The following PRELID2 variants were observed in gnomAD, a reference collection of about 807,000 sequenced individuals.
The protein encoded by PRELID2 is PRELI domain-containing protein 2.
PRELID2 carries 25 observed loss-of-function variants against 28.4 expected under a neutral mutation model. The observed-to-expected ratio is 0.88, with a 90% CI of 0.64 to 1.23. PRELID2 has a LOEUF of 1.23. Among genes scored for constraint, PRELID2 ranks in the 50% most tolerant of loss-of-function variants. The pLI, the probability that PRELID2 is intolerant of heterozygous loss-of-function variation, is 0.00. For missense variants in PRELID2, 201 were observed against 214.4 expected (o/e 0.94, Z 0.39); for synonymous variants, 76 against 71.6 (o/e 1.06, Z -0.31).
intron 1 of PRELID2, among the ~76,000 whole-genome samples, chr5:145,607,863 T>C (rs978711055): frequency 1.3e-5 from 2 of 152,194 alleles, no homozygotes; most frequent in African/African-American, 4.8e-5. Flanking sequence ...CCCATTATTA[T>C]TGTATGCCTA....
chr5:145,486,019 A>G (rs1752214253), intron 1 of PRELID2, among the ~76,000 whole-genome samples: 1 of 152,226 alleles, frequency 6.6e-6, no homozygotes, highest in African/African-American at 2.4e-5. Flanking sequence ...TAACACAGAT[A>G]TAAAGTTTAA....
At chr5:145,463,731 G>T in the PRELID2 span, among the ~76,000 whole-genome samples, 4 of 152,080 alleles carry the variant, frequency 2.6e-5, no homozygotes, top group Admixed American at 6.6e-5. Context: ...CAGCATTAAG[G>T]CTCTACATCT....
chr5:145,647,443 C>A (rs1235019458), intron 1 of PRELID2, among the ~76,000 whole-genome samples: 1 of 152,202 alleles, frequency 6.6e-6, no homozygotes, highest in Non-Finnish European at 1.5e-5. Context: ...GCCAGTGGAT[C>A]TTAGTTTGCT....
intron 1 of PRELID2, among the ~76,000 whole-genome samples, chr5:145,829,179 G>C (rs1755423516): frequency 6.6e-6 from 1 of 151,990 alleles, no homozygotes; most frequent in African/African-American, 2.4e-5. Flanking sequence ...TGGATTATAG[G>C]CATGAGCCAC....
At chr5:145,395,585 A>C in the PRELID2 span, among the ~76,000 whole-genome samples, 2 of 152,202 alleles carry the variant, frequency 1.3e-5, no homozygotes, top group Non-Finnish European at 2.9e-5. Context: ...TTGCTTTCTA[A>C]CAACCTTGTT....
chr5:145,345,826 C>T, the PRELID2 span, among the ~76,000 whole-genome samples: 1 of 152,000 alleles, frequency 6.6e-6, no homozygotes, highest in Non-Finnish European at 1.5e-5. Context: ...CCCCGCACCC[C>T]CGCCCCACCC....
chr5:145,566,823 G>C (rs1382502284), intron 1 of PRELID2, among the ~76,000 whole-genome samples: 1 of 137,346 alleles, frequency 7.3e-6, no homozygotes, highest in Non-Finnish European at 1.5e-5. Context: ...CTGGGTGAGA[G>C]AGTGAGACTC....
the PRELID2 span, among the ~76,000 whole-genome samples, chr5:145,272,468 C>G: frequency 6.6e-6 from 1 of 152,092 alleles, no homozygotes; most frequent in Non-Finnish European, 1.5e-5. Flanking sequence ...GTGATGCCCG[C>G]ACACAGAGTT....
At position 145,553,350 on chromosome 5, in the gene PRELID2, C is replaced by CGGT. The variant is rs555265167; in HGVS notation, n.71-80038_71-80036dup. ...TGAACAAAGGCACAGTCACCTGAGG[C>CGGT]GGTTCAGTGTGACTTCTGTAAAGGC... On this transcript the variant is annotated intron_variant and non_coding_transcript_variant, in intron 1 of 2. Transcript: ENST00000510259. 6.2e-3 allele frequency among the ~76,000 whole-genome samples: 944 copies of CGGT among 152,178 alleles called. 11 individuals carry two copies. The highest frequency in any genetic ancestry group is 0.022 in the African/African-American group (911 of 41,528).
chr5:145,621,742 C>T (rs893428192), intron 1 of PRELID2, among the ~76,000 whole-genome samples: 5 of 152,094 alleles, frequency 3.3e-5, no homozygotes, highest in African/African-American at 1.2e-4. Flanking sequence ...AGAATTATAG[C>T]TAGATTGGAG....
intron 5 of PRELID2, among the ~76,000 whole-genome samples, chr5:145,772,523 C>T (rs535167812): frequency 6.6e-6 from 1 of 152,270 alleles, no homozygotes; most frequent in Admixed American, 6.5e-5. Context: ...GGCCTTCTTG[C>T]TGTGTTATAA....
the PRELID2 span, among the ~76,000 whole-genome samples, chr5:145,289,802 A>G: frequency 2.1e-4 from 32 of 152,190 alleles, no homozygotes; most frequent in Admixed American, 1.2e-3. Flanking sequence ...CCATTCTACT[A>G]CATGTATAGT....
intron 1 of PRELID2, among the ~76,000 whole-genome samples, chr5:145,742,531 CAAA>C (rs70998035): frequency 8.4e-5 from 9 of 107,608 alleles, no homozygotes; most frequent in Admixed American, 2.1e-4. Context: ...CAAGGGATAC[CAAA>C]AAAAAAAAAA....
chr5:145,451,693 A>G, the PRELID2 span, among the ~76,000 whole-genome samples: 1 of 152,172 alleles, frequency 6.6e-6, no homozygotes. Context: ...GGTTTGATAC[A>G]ATAGAATTTC....
rs137971916 is a variant in PRELID2 at position 145,630,149 on chromosome 5, G to A, written n.70+134782C>T. Among the ~76,000 whole-genome samples, 588 of 152,236 alleles carry A rather than the reference G, an allele frequency of 3.9e-3. 8 individuals are homozygous for A. Among genetic ancestry groups the A allele is most frequent in the South Asian group, 0.018 (85 of 4,820 alleles). On this transcript the variant is annotated intron_variant and non_coding_transcript_variant, in intron 1 of 2. Coordinates refer to the PRELID2 transcript ENST00000510259. Reference sequence around the variant, plus strand: ...GGATGCATGGATGGATGGATGGATGGATGGATGGATGGATGAGTGGGTGGA... The same window carrying A: ...GGATGCATGGATGGATGGATGGATGAATGGATGGATGGATGAGTGGGTGGA...
At chr5:145,667,814 T>G (rs1754624634) in intron 1 of PRELID2, among the ~76,000 whole-genome samples, 1 of 152,092 alleles carries the variant, frequency 6.6e-6, no homozygotes, top group Non-Finnish European at 1.5e-5. Flanking sequence ...AAATGTTAGC[T>G]TTCTTCCTCC....
Position 145,769,117 on chromosome 5 carries a change from C to A in PRELID2, c.475-4117G>T, listed in dbSNP as rs954432804. ...TTACACCACTTATCACACAATGATG[C>A]CTGAAATGCAGAACAAACATTAAGT... On this transcript the variant is annotated intron_variant, in intron 5 of 6. Coordinates refer to ENST00000683046, the MANE Select transcript of PRELID2 (RefSeq NM_205846.3). Among the ~76,000 whole-genome samples, 3 of 152,256 alleles carry A rather than the reference C, an allele frequency of 2.0e-5. No individual in the cohort carries two copies. In the East Asian group the frequency reaches 5.8e-4, roughly 29 times the overall value.
chr5:145,656,169 C>T lies in PRELID2; in HGVS notation n.70+108762G>A, dbSNP rs941350739. On this transcript the variant is annotated intron_variant and non_coding_transcript_variant, in intron 1 of 2. Transcript: ENST00000510259. ...TGAAAAAATGCTCGTCATCACTGGC[C>T]GTCAGAGAAATGCACATCAAAACCA... Among the ~76,000 whole-genome samples the T allele has an allele frequency of 3.3e-5, 5 of 152,116 alleles. No homozygotes were observed. The East Asian group carries it at 5.8e-4, about 18-fold the overall frequency.
intron 1 of PRELID2, among the ~76,000 whole-genome samples, chr5:145,693,218 G>C (rs1755186598): frequency 1.3e-5 from 2 of 149,848 alleles, no homozygotes; most frequent in Non-Finnish European, 2.9e-5. Flanking sequence ...TGTGATCTCA[G>C]CTCACTGCAA....
Sources: gnomAD v4.1 joint callset for allele counts (sites outside exome capture counted in the v4.1 genomes callset) on GRCh38, gnomAD v4.1.1 for gene constraint, MANE v1.5 for transcripts, NCBI Gene and HGNC (gene_info 2026-07-23, HGNC 2026-07-21) for gene names.